The following HYDIN variants were observed in gnomAD, a reference collection of about 807,000 sequenced individuals.
HYDIN encodes the protein axonemal central pair apparatus protein HYDIN.
Under a neutral mutation model 403.9 loss-of-function variants are expected in HYDIN, and 132 were observed. That is an observed-to-expected ratio of 0.33 (90% CI 0.28 to 0.38). The LOEUF (loss-of-function observed/expected upper bound fraction) is 0.38, where lower values mean the gene tolerates loss of function less well. Among genes scored for constraint, HYDIN ranks in the 10% least tolerant of loss-of-function variants. The pLI is 1.00. For synonymous variants in HYDIN, 1,202 were observed against 1,891.7 expected (o/e 0.64, Z 9.46); for missense variants, 2,827 against 5,009.5 (o/e 0.56, Z 13.15).
intron 7 of HYDIN, among the ~76,000 whole-genome samples, chr16:71,143,682 G>C (rs2085255843): frequency 1.3e-5 from 2 of 152,180 alleles, no homozygotes; most frequent in Non-Finnish European, 2.9e-5. Context: ...AAGTTGATGC[G>C]GGTAAGTCTG....
At chr16:71,192,083 A>C (rs2087465150) in intron 1 of HYDIN, among the ~76,000 whole-genome samples, 1 of 152,194 alleles carries the variant, frequency 6.6e-6, no homozygotes, top group Non-Finnish European at 1.5e-5. Flanking sequence ...GGCACAGAGG[A>C]GGTAAGTAAC....
At chr16:70,877,816 A>G (rs2143673884) in intron 62 of HYDIN, among the ~76,000 whole-genome samples, 1 of 152,336 alleles carries the variant, frequency 6.6e-6, no homozygotes, top group East Asian at 1.9e-4. Flanking sequence ...CTGACAACTC[A>G]GCAGTTAACA....
chr16:71,046,320 T>C (rs2081446317), intron 18 of HYDIN, among the ~76,000 whole-genome samples: 1 of 151,714 alleles, frequency 6.6e-6, no homozygotes, highest in Non-Finnish European at 1.5e-5. Context: ...AACAACATCC[T>C]CACTTTTGAT....
At chr16:70,968,455 C>T (rs783721) in intron 36 of HYDIN, among the ~76,000 whole-genome samples, 304 of 143,040 alleles carry the variant, frequency 2.1e-3, no homozygotes, top group African/African-American at 7.3e-3. Context: ...CAGTGGAGTC[C>T]GTGTGGAGAG....
intron 13 of HYDIN, among the ~76,000 whole-genome samples, chr16:71,073,117 C>G (rs1309291982): frequency 6.6e-6 from 1 of 152,240 alleles, no homozygotes; most frequent in African/African-American, 2.4e-5. Context: ...TATTTCAAGT[C>G]CCTCAGAACA....
intron 29 of HYDIN, among the ~76,000 whole-genome samples, chr16:70,980,070 C>T (rs545311902): frequency 2.1e-3 from 313 of 151,292 alleles, no homozygotes; most frequent in Non-Finnish European, 3.5e-3. Context: ...ACCATGTCTA[C>T]TGCCCTGATG....
intron 45 of HYDIN, among the ~76,000 whole-genome samples, chr16:70,932,080 C>T (rs1264608884): frequency 4.4e-5 from 6 of 135,318 alleles, no homozygotes; most frequent in Admixed American, 1.5e-4. Context: ...ATTGGCCAGG[C>T]GCAGTGGCTC....
intron 10 of HYDIN, among the ~76,000 whole-genome samples, chr16:71,115,141 G>A (rs11639641): frequency 0.57 from 80,206 of 140,572 alleles, 24,628 homozygotes; most frequent in East Asian, 0.73. Context: ...TAATTCCCAC[G>A]TGTCAAGGGA....
intron 2 of HYDIN, 24 bp from the exon 3 acceptor site, chr16:71,185,014 CA>C: frequency 6.4e-7 from 1 of 1,553,438 alleles, no homozygotes. Context: ...CAATAAGAAC[CA>C]AAGATTCTTA....
At chr16:71,133,746 C>T (rs556631037) in intron 8 of HYDIN, among the ~76,000 whole-genome samples, 165 of 152,010 alleles carry the variant, frequency 1.1e-3, no homozygotes, top group Non-Finnish European at 1.0e-3. Context: ...AAGAATCTTG[C>T]AGAATGTTTT....
At chr16:70,809,529 CA>C (rs2035321288) in intron 85 of HYDIN, among the ~76,000 whole-genome samples, 1 of 152,158 alleles carries the variant, frequency 6.6e-6, no homozygotes, top group Admixed American at 6.5e-5. Flanking sequence ...CTGTGTGAAA[CA>C]AAACTCCCCT....
intron 1 of HYDIN, among the ~76,000 whole-genome samples, chr16:71,205,575 G>C (rs1181271206): frequency 6.6e-6 from 1 of 152,216 alleles, no homozygotes; most frequent in African/African-American, 2.4e-5. Context: ...CTCCAACAGA[G>C]GCCACAGTTG....
chr16:71,171,751 T>C (rs990941571), intron 5 of HYDIN, among the ~76,000 whole-genome samples: 1 of 152,232 alleles, frequency 6.6e-6, no homozygotes, highest in African/African-American at 2.4e-5. Flanking sequence ...AGTTAATATC[T>C]AATATATTCA....
At chr16:70,930,246 C>T (rs1255941843) in intron 45 of HYDIN, among the ~76,000 whole-genome samples, 9 of 152,248 alleles carry the variant, frequency 5.9e-5, no homozygotes, top group South Asian at 2.1e-4. Context: ...TTTCAGAGGC[C>T]GAGGTGGGAG....
chr16:71,129,694 C>G lies in HYDIN; in HGVS notation c.1173G>C (p.Leu391=). 1 of 1,614,250 alleles carries G rather than the reference C, an allele frequency of 6.2e-7. No homozygotes were observed. Among genetic ancestry groups the G allele is most frequent in the South Asian group, 1.1e-5 (1 of 91,082 alleles). ...AGAACAGCTTGCTGTCTCCCTGCAC[C>G]AGCCTCCTCTGATTCGCAAAGGTTC... ...LSRTFANQRR[L]VQGDSKLFFN... The change falls in exon 9 of 86, where the codon CTG becomes CTC. Residue 391 remains leucine (L), a synonymous_variant. Coordinates refer to ENST00000393567, the MANE Select transcript of HYDIN (RefSeq NM_001270974.2).
chr16:71,141,175 C>T lies in HYDIN; in HGVS notation c.842-3823G>A, dbSNP rs113515088. ...GGAATAGAATGAAGTCAAAACAGAC[C>T]CAAATGCACACTGGAATTTAGTATA... is the stretch of plus-strand genomic sequence containing the variant. On this transcript the variant is annotated intron_variant, in intron 7 of 85. Transcript: ENST00000393567. Among the ~76,000 whole-genome samples the T allele has an allele frequency of 7.7e-3, 1,132 of 147,606 alleles. 12 individuals are homozygous for T. Among genetic ancestry groups the T allele is most frequent in the African/African-American group, 0.027 (1,071 of 40,232 alleles).
At chr16:71,200,558 T>C (rs1409441060) in intron 1 of HYDIN, among the ~76,000 whole-genome samples, 2 of 152,150 alleles carry the variant, frequency 1.3e-5, no homozygotes, top group African/African-American at 2.4e-5. Flanking sequence ...ACAATTCCTG[T>C]TACCTGAGAT....
chr16:71,029,815 C>T (rs1383632272), intron 19 of HYDIN, among the ~76,000 whole-genome samples: 1 of 151,986 alleles, frequency 6.6e-6, no homozygotes, highest in Non-Finnish European at 1.5e-5. Context: ...GGGAGGGCTC[C>T]TAATTGATTA....
At chr16:70,997,874 G>A (rs2458375) in intron 23 of HYDIN, among the ~76,000 whole-genome samples, 46,077 of 128,248 alleles carry the variant, frequency 0.36, 10,153 homozygotes, top group African/African-American at 0.67. Context: ...CTCAAATGTT[G>A]TATCAGATGG....
Sources: gnomAD v4.1 joint callset for allele counts (sites outside exome capture counted in the v4.1 genomes callset) on GRCh38, gnomAD v4.1.1 for gene constraint, MANE v1.5 for transcripts, NCBI Gene and HGNC (gene_info 2026-07-23, HGNC 2026-07-21) for gene names.